Variants in SCN8A observed in about 807,000 individuals in gnomAD.
SCN8A encodes the protein sodium voltage-gated channel alpha subunit 8.
SCN8A carries 30 observed loss-of-function variants against 184.1 expected under a neutral mutation model. The observed-to-expected ratio is 0.16, with a 90% CI of 0.12 to 0.22. The LOEUF (loss-of-function observed/expected upper bound fraction) is 0.22, where lower values mean the gene tolerates loss of function less well. Ranked by LOEUF, SCN8A falls within the 10% of genes least tolerant of loss-of-function variation. SCN8A has a pLI of 1.00. For synonymous variants in SCN8A, 852 were observed against 907.0 expected, an observed-to-expected ratio of 0.94 and a Z score of 1.09; for missense variants, 1,057 against 2,498.9, an observed-to-expected ratio of 0.42 and a Z score of 12.30.
At chr12:51,798,376 C>T (rs1235633711) in intron 26 of SCN8A, among the ~76,000 whole-genome samples, 1 of 152,146 alleles carries the variant, frequency 6.6e-6, no homozygotes, top group African/African-American at 2.4e-5. Context: ...GATAAGCAAA[C>T]CCATATCCAG....
At position 51,808,170 on chromosome 12, in the gene SCN8A, G is replaced by A. The variant is rs1401097831; in HGVS notation, c.*741G>A. ...AGTCCCTTGCACTGGGTCAGCCTTTGGACAGGACCCAGCCCTGCACCGTTC... is the reference window on the plus strand; with the variant it reads ...AGTCCCTTGCACTGGGTCAGCCTTTAGACAGGACCCAGCCCTGCACCGTTC... On this transcript the variant is annotated 3_prime_UTR_variant, in exon 27 of 27. Transcript: ENST00000627620. The A allele has an allele frequency of 1.9e-5, 3 of 155,116 alleles. No homozygotes were observed. Among genetic ancestry groups the A allele is most frequent in the Admixed American group, 1.9e-4 (3 of 16,060 alleles). The allele number at this position is 155,116 out of a possible 1,614,324, so 9.6% of individuals were successfully genotyped here. A position where few individuals can be genotyped will look rare whatever the true frequency, so the allele number is the denominator to read the frequency against.
chr12:51,721,776 G>A lies in SCN8A; in HGVS notation c.1866G>A (p.Gln622=). The stretch of plus-strand genomic sequence containing the variant: ...ACAGCGGCTACAGCGGCTACAGCCA[G>A]GGCAGCCGCTCCTCGCGCATCTTCC... The part of the protein sequence containing the change: ...SSYSGYSGYS[Q]GSRSSRIFPS... The change falls in exon 12 of 27, where the codon CAG becomes CAA. Residue 622 remains glutamine (Q), a synonymous_variant. Transcript: ENST00000627620. 6.2e-7 allele frequency: 1 copy of A among 1,610,308 alleles called. No homozygotes were observed.
chr12:51,803,645 A>G (rs1938615878), intron 26 of SCN8A, among the ~76,000 whole-genome samples: 1 of 152,120 alleles, frequency 6.6e-6, no homozygotes, highest in Admixed American at 6.6e-5. Context: ...CTCAGCCATC[A>G]TCTTCTCTCT....
At chr12:51,793,882 C>T (rs1938335757) in intron 25 of SCN8A, among the ~76,000 whole-genome samples, 1 of 151,166 alleles carries the variant, frequency 6.6e-6, no homozygotes, top group Non-Finnish European at 1.5e-5. Context: ...TGATGGCTCA[C>T]ACCTGTAATC....
At position 51,645,338 on chromosome 12, in the gene SCN8A, T is replaced by G. The variant is rs1361374875; in HGVS notation, c.-54-17426T>G. On this transcript the variant is annotated intron_variant, in intron 1 of 26. Transcript: ENST00000627620. Reference sequence around the variant, plus strand: ...CCCGTCCAGGAGGGAGGTGGGGGGGTTCAGCCCCCCGTCTGGCCAGCTGCC... The same window carrying G: ...CCCGTCCAGGAGGGAGGTGGGGGGGGTCAGCCCCCCGTCTGGCCAGCTGCC... Among the ~76,000 whole-genome samples, 15 of 139,632 alleles carry G rather than the reference T, an allele frequency of 1.1e-4. No individual in the cohort carries two copies. In the South Asian group the frequency reaches 1.6e-3, roughly 15 times the overall value. The allele number at this position is 139,632 out of a possible 152,430, so 91.6% of individuals were successfully genotyped here. A position where few individuals can be genotyped will look rare whatever the true frequency, so the allele number is the denominator to read the frequency against.
intron 26 of SCN8A, among the ~76,000 whole-genome samples, chr12:51,804,180 G>C (rs1317447641): frequency 6.6e-6 from 1 of 152,178 alleles, no homozygotes; most frequent in African/African-American, 2.4e-5. Context: ...TAGCTTTAAA[G>C]AACAAGTGGC....
intron 1 of SCN8A, among the ~76,000 whole-genome samples, chr12:51,608,251 C>T (rs1036071791): frequency 3.9e-5 from 6 of 151,964 alleles, no homozygotes; most frequent in Non-Finnish European, 5.9e-5. Flanking sequence ...ACCTTGTGAT[C>T]CACCCGCCTC....
chr12:51,619,411 C>G (rs549084152), intron 1 of SCN8A, among the ~76,000 whole-genome samples: 4 of 152,168 alleles, frequency 2.6e-5, no homozygotes, highest in African/African-American at 9.6e-5. Context: ...ATATGTGAGG[C>G]TATATAGAAT....
intron 12 of SCN8A, among the ~76,000 whole-genome samples, chr12:51,733,297 G>A (rs562995804): frequency 3.6e-4 from 54 of 152,016 alleles, no homozygotes; most frequent in Non-Finnish European, 5.3e-4. Context: ...CTTTTTCAAC[G>A]TCAATTGAAA....
rs1565915306 is a variant in SCN8A, at chr12:51,762,495, C to T, written c.2371-8C>T. 6.2e-7 allele frequency: 1 copy of T among 1,612,518 alleles called. No individual in the cohort carries two copies. The highest frequency in any genetic ancestry group is 1.7e-5 in the Admixed American group (1 of 59,828). On this transcript the variant is annotated splice_region_variant and splice_polypyrimidine_tract_variant and intron_variant, in intron 14 of 26. Coordinates refer to ENST00000627620, the MANE Select transcript of SCN8A (RefSeq NM_001330260.2). ...TATTTTTCTTACCCCCTGCATCCCC[C>T]TATTTAGGTTTTCACTGGAATTTTC...
intron 1 of SCN8A, among the ~76,000 whole-genome samples, chr12:51,651,253 G>A (rs142791969): frequency 0.011 from 1,667 of 152,288 alleles, 46 homozygotes; most frequent in African/African-American, 0.038. Flanking sequence ...ATTTTGGGGG[G>A]CCTGCTCCCA....
chr12:51,642,776 T>G (rs145563319), intron 1 of SCN8A, among the ~76,000 whole-genome samples: 1 of 151,532 alleles, frequency 6.6e-6, no homozygotes, highest in East Asian at 2.0e-4. Context: ...TGAGCACCAC[T>G]ACAGCTACTT....
intron 3 of SCN8A, among the ~76,000 whole-genome samples, chr12:51,685,164 A>T (rs1941399048): frequency 6.6e-6 from 1 of 152,342 alleles, no homozygotes; most frequent in East Asian, 1.9e-4. Flanking sequence ...CTGAAACCTG[A>T]AAGTTTATAA....
At chr12:51,775,631 A>G (rs1221155922) in intron 20 of SCN8A, among the ~76,000 whole-genome samples, 1 of 152,248 alleles carries the variant, frequency 6.6e-6, no homozygotes, top group African/African-American at 2.4e-5. Context: ...CCCCACAGAC[A>G]GAAAGCTGGA....
chr12:51,661,758 G>T (rs1940929621), intron 1 of SCN8A, among the ~76,000 whole-genome samples: 1 of 152,170 alleles, frequency 6.6e-6, no homozygotes, highest in Non-Finnish European at 1.5e-5. Context: ...GTCATTTTGT[G>T]CTTGAAACTG....
intron 1 of SCN8A, among the ~76,000 whole-genome samples, chr12:51,616,537 G>A (rs778740532): frequency 6.6e-6 from 1 of 152,052 alleles, no homozygotes; most frequent in Non-Finnish European, 1.5e-5. Flanking sequence ...ATTTGAACCC[G>A]GGAGGCGGAG....
In SCN8A at chr12:51,591,757, CTG is replaced by C. The variant is rs1392392161; in HGVS notation, c.-55+400_-55+401del. Among the ~76,000 whole-genome samples the C allele has an allele frequency of 5.3e-5, 8 of 152,252 alleles. No homozygotes were observed. The South Asian group carries it at 1.7e-3, about 32-fold the overall frequency. ...CCGGCTTGCACTGGGAAGGGCAGCG[CTG>C]TCGGGATCTTCCTACAGCAGCCCCT... On this transcript the variant is annotated intron_variant, in intron 1 of 26. Transcript: ENST00000627620.
intron 1 of SCN8A, among the ~76,000 whole-genome samples, chr12:51,608,965 A>G (rs1410134281): frequency 6.6e-6 from 1 of 152,170 alleles, no homozygotes; most frequent in Non-Finnish European, 1.5e-5. Flanking sequence ...GAATTTTTAA[A>G]TTTCCATCTT....
At position 51,747,081 on chromosome 12, in the gene SCN8A, C is replaced by CTGTG. The variant is rs1328800141; in HGVS notation, c.2131+1050_2131+1053dup. 2.4e-3 allele frequency among the ~76,000 whole-genome samples: 217 copies of CTGTG among 90,602 alleles called. 4 individuals carry two copies. Among genetic ancestry groups the CTGTG allele is most frequent in the East Asian group, 5.6e-3 (18 of 3,218 alleles). 59.4% of individuals were successfully genotyped at this position (90,602 alleles called of 152,430 possible). A position where few individuals can be genotyped will look rare whatever the true frequency, so the allele number is the denominator to read the frequency against. ...ATTTAAACCCAGTGCCACTTCTACT[C>CTGTG]TGTGTGTATGTGTGTGTGTGTGTGT... On this transcript the variant is annotated intron_variant, in intron 13 of 26. Coordinates refer to ENST00000627620, the MANE Select transcript of SCN8A (RefSeq NM_001330260.2).
Sources: allele counts gnomAD v4.1 joint callset (sites outside exome capture counted in the v4.1 genomes callset), GRCh38; gene constraint gnomAD v4.1.1; transcripts MANE v1.5; gene names NCBI Gene and HGNC (gene_info 2026-07-23, HGNC 2026-07-21).